The following DEPDC5 variants were observed in gnomAD, a reference collection of about 807,000 sequenced individuals.
The protein encoded by DEPDC5 is DEP domain containing 5, GATOR1 subcomplex subunit.
DEPDC5 carries 73 observed loss-of-function variants against 217.3 expected under a neutral mutation model. The observed-to-expected ratio is 0.34, with a 90% CI of 0.28 to 0.41. The LOEUF is 0.41. Among genes scored for constraint, DEPDC5 ranks in the 10% least tolerant of loss-of-function variants. DEPDC5 has a pLI of 1.00. For missense variants in DEPDC5, 1,675 were observed against 2,070.1 expected (o/e 0.81, Z 3.70); for synonymous variants, 733 against 756.7 (o/e 0.97, Z 0.51).
At chr22:31,812,381 C>A (rs2088481809) in intron 20 of DEPDC5, among the ~76,000 whole-genome samples, 1 of 150,632 alleles carries the variant, frequency 6.6e-6, no homozygotes, top group South Asian at 2.1e-4. Flanking sequence ...ATATTTTTTT[C>A]CCTGTGTACC....
chr22:31,839,693 C>T (rs539646878), intron 27 of DEPDC5, among the ~76,000 whole-genome samples: 2 of 151,388 alleles, frequency 1.3e-5, no homozygotes, highest in East Asian at 1.9e-4. Flanking sequence ...TTTGAAAGCC[C>T]CTTGTGACAT....
chr22:31,803,467 C>T (rs866520545), intron 15 of DEPDC5, among the ~76,000 whole-genome samples: 47 of 152,060 alleles, frequency 3.1e-4, no homozygotes, highest in African/African-American at 1.0e-3. Context: ...CCGTCTTGGC[C>T]TCCCAAAGTT....
chr22:31,870,630 C>T lies in DEPDC5; in HGVS notation c.3371C>T (p.Thr1124Ile). ...DQTATPMLDG[T>I]SLGICTGQSM... is the part of the protein sequence containing the mutation. ...ACAGCCACTCCTATGTTGGACGGCA[C>T]CAGTTTGGGCATATGCACAGGCCAA... The change falls in exon 34 of 43, where the codon ACC becomes ATC. Residue 1124 changes from threonine to isoleucine, a missense_variant. Physicochemically the swap from Thr to Ile is moderately conservative, Grantham distance 89. Coordinates refer to ENST00000651528, the MANE Select transcript of DEPDC5 (RefSeq NM_001242896.3). The T allele has an allele frequency of 3.1e-6, 5 of 1,590,800 alleles. No homozygotes were observed. The highest frequency in any genetic ancestry group is 1.1e-5 in the South Asian group (1 of 86,976).
chr22:31,790,623 TAAA>T (rs1358657254), intron 10 of DEPDC5, among the ~76,000 whole-genome samples: 2 of 152,032 alleles, frequency 1.3e-5, no homozygotes, highest in African/African-American at 2.4e-5. Flanking sequence ...CTGCAGAAAT[TAAA>T]AAACACTGTA....
Position 31,906,769 on chromosome 22 carries a change from T to C in DEPDC5, c.*272T>C. The stretch of plus-strand genomic sequence containing the variant: ...CAGAGCAGGTGGGAGGCACAGATTG[T>C]CCGTGGGAGGGCTCCAGTGTCTGGG... On this transcript the variant is annotated 3_prime_UTR_variant, in exon 43 of 43. Coordinates refer to ENST00000651528, the MANE Select transcript of DEPDC5 (RefSeq NM_001242896.3). This position sits in a 1 kb window ranked among gnomAD's most constrained non-coding sequence, Gnocchi z 5.1. 1.9e-6 allele frequency: 1 copy of C among 533,242 alleles called. No individual in the cohort carries two copies. Among genetic ancestry groups the C allele is most frequent in the Non-Finnish European group, 3.3e-6 (1 of 298,820 alleles). The allele number at this position is 533,242 out of a possible 1,614,324, so 33.0% of individuals were successfully genotyped here. A position where few individuals can be genotyped will look rare whatever the true frequency, so the allele number is the denominator to read the frequency against.
chr22:31,759,390 T>C (rs2148005093), intron 3 of DEPDC5, among the ~76,000 whole-genome samples: 1 of 151,876 alleles, frequency 6.6e-6, no homozygotes, highest in South Asian at 2.1e-4. Context: ...TTTGTTTTTT[T>C]TGAGATGAAA....
chr22:31,766,725 T>G, intron 6 of DEPDC5, 57 bp downstream of exon 6: 1 of 1,445,482 alleles, frequency 6.9e-7, no homozygotes, highest in South Asian at 1.2e-5. Flanking sequence ...GAATAATCCC[T>G]GTTTATTATG....
chr22:31,874,418 G>C lies in DEPDC5; in HGVS notation c.3696+13G>C. On this transcript the variant is annotated intron_variant, in intron 36 of 42. Coordinates refer to ENST00000651528, the MANE Select transcript of DEPDC5 (RefSeq NM_001242896.3). The stretch of plus-strand genomic sequence containing the variant: ...TGACATCATGCAGGTGAGACAGCAA[G>C]AGGGGCCCATAGAGCTGTTTGCTTA... The C allele has an allele frequency of 6.2e-7, 1 of 1,607,656 alleles. No homozygotes were observed. The highest frequency in any genetic ancestry group is 8.5e-7 in the Non-Finnish European group (1 of 1,177,156).
At chr22:31,825,317 C>A (rs1282061739) in intron 24 of DEPDC5, among the ~76,000 whole-genome samples, 1 of 152,182 alleles carries the variant, frequency 6.6e-6, no homozygotes, top group African/African-American at 2.4e-5. Context: ...AAAGAAGTTT[C>A]AAAGAATCTT....
intron 39 of DEPDC5, 62 bp from the exon 40 acceptor site, chr22:31,897,420 G>T: frequency 6.5e-7 from 1 of 1,545,868 alleles, no homozygotes; most frequent in East Asian, 2.3e-5. Flanking sequence ...TCCTTGGGAA[G>T]TATTTTCTCT....
chr22:31,761,068 G>A (rs983601874), intron 4 of DEPDC5, among the ~76,000 whole-genome samples: 20 of 150,874 alleles, frequency 1.3e-4, no homozygotes, highest in Middle Eastern at 3.4e-3. Flanking sequence ...TGCAAGCTCC[G>A]CCTCCTGGGT....
intron 12 of DEPDC5, 46 bp from the exon 13 acceptor site, chr22:31,797,554 C>T (rs1395453935): frequency 1.3e-6 from 2 of 1,521,104 alleles, no homozygotes; most frequent in Non-Finnish European, 1.8e-6. Flanking sequence ...CAGAGCCAAA[C>T]CATATCAGCT....
At chr22:31,898,785 G>A (rs1262047924) in intron 40 of DEPDC5, among the ~76,000 whole-genome samples, 1 of 152,046 alleles carries the variant, frequency 6.6e-6, no homozygotes, top group Non-Finnish European at 1.5e-5. Context: ...AGTGATAATC[G>A]GGGTCCCAAG....
At chr22:31,791,142 A>T (rs2081602878) in intron 10 of DEPDC5, among the ~76,000 whole-genome samples, 1 of 152,060 alleles carries the variant, frequency 6.6e-6, no homozygotes, top group Non-Finnish European at 1.5e-5. Flanking sequence ...AGTCACCATT[A>T]CTTAATGCTG....
chr22:31,864,526 T>TATATATATATATATATATATA (rs1335760559), intron 33 of DEPDC5, among the ~76,000 whole-genome samples: 188 of 117,652 alleles, frequency 1.6e-3, no homozygotes, highest in Non-Finnish European at 2.3e-3. Context: ...ATATATATAT[T>TATATATATATATATATATATA]TATATATTTA....
At chr22:31,828,740 C>T (rs553138743) in intron 24 of DEPDC5, among the ~76,000 whole-genome samples, 10 of 152,236 alleles carry the variant, frequency 6.6e-5, no homozygotes, top group African/African-American at 2.4e-4. Flanking sequence ...CTTACCCATT[C>T]GAGAAAAGTG....
chr22:31,815,430 A>G lies in DEPDC5; in HGVS notation c.1666+218A>G, dbSNP rs142207179. The G allele has an allele frequency of 8.0e-4, 548 of 684,192 alleles. 3 individuals carry two copies. The East Asian group carries it at 0.014, about 17-fold the overall frequency. The allele number at this position is 684,192 out of a possible 1,614,324, so 42.4% of individuals were successfully genotyped here. On this transcript the variant is annotated intron_variant, in intron 21 of 42. Transcript: ENST00000651528. ...TTTGGTGACAGAGCACCTAGGATAAAGTGCAGTGATGCAATCACAGCTCAC... is the reference window on the plus strand; with the variant it reads ...TTTGGTGACAGAGCACCTAGGATAAGGTGCAGTGATGCAATCACAGCTCAC...
At chr22:31,901,951 C>G (rs1168782054) in intron 41 of DEPDC5, 149 bp downstream of exon 41, 2 of 698,990 alleles carry the variant, frequency 2.9e-6, no homozygotes, top group Non-Finnish European at 4.9e-6. Flanking sequence ...CAACAGGACT[C>G]TTTACATTGG....
intron 38 of DEPDC5, among the ~76,000 whole-genome samples, chr22:31,882,360 A>C (rs2093200102): frequency 6.6e-6 from 1 of 152,224 alleles, no homozygotes; most frequent in Non-Finnish European, 1.5e-5. Context: ...CCTCGGGGTT[A>C]CTTTCTGAGA....
Sources: allele counts gnomAD v4.1 joint callset (sites outside exome capture counted in the v4.1 genomes callset), GRCh38; gene constraint gnomAD v4.1.1; non-coding constraint Gnocchi (gnomAD v3.1); transcripts MANE v1.5; gene names NCBI Gene and HGNC (gene_info 2026-07-23, HGNC 2026-07-21).